POLQ: variants seen among roughly 807,000 people sequenced by gnomAD.
POLQ encodes the protein DNA polymerase theta, also known as epididymis secretory sperm binding protein.
Under a neutral mutation model 259.2 loss-of-function variants are expected in POLQ, and 233 were observed. The observed-to-expected ratio is 0.90, with a 90% CI of 0.81 to 1.00. The LOEUF (loss-of-function observed/expected upper bound fraction) is 1.00. POLQ is among the 50% of genes least tolerant of loss of function. POLQ has a pLI of 0.00. For synonymous variants in POLQ, 1,025 were observed against 1,048.8 expected (o/e 0.98, Z 0.44); for missense variants, 2,871 against 3,051.6 (o/e 0.94, Z 1.39).
Position 121,496,912 on chromosome 3 carries a change from A to T in POLQ, c.2174T>A (p.Leu725Gln), listed in dbSNP as rs1442525117. ...IHKRFFTSLV[L>Q]LDLISEVPLR... ...GGGAACTTCACTGATTAAATCTAAT[A>T]GCACAAGACTGGTGAAAAACCTGGG... Residue 725 changes from leucine (L) to glutamine (Q), a missense_variant, in exon 14 of 30, where the codon CTA becomes CAA. Coordinates refer to ENST00000264233, the MANE Select transcript of POLQ (RefSeq NM_199420.4). 2 of 1,611,954 alleles carry T rather than the reference A, an allele frequency of 1.2e-6. No individual in the cohort carries two copies. The highest frequency in any genetic ancestry group is 1.7e-6 in the Non-Finnish European group (2 of 1,179,638).
At chr3:121,510,654 C>T (rs1576421723) in intron 10 of POLQ, among the ~76,000 whole-genome samples, 2 of 152,298 alleles carry the variant, frequency 1.3e-5, no homozygotes, top group South Asian at 2.1e-4. Flanking sequence ...ATTTCATTCT[C>T]ATTTTTTTAA....
intron 7 of POLQ, among the ~76,000 whole-genome samples, chr3:121,527,758 C>T (rs1449738429): frequency 6.6e-6 from 1 of 152,202 alleles, no homozygotes; most frequent in Non-Finnish European, 1.5e-5. Context: ...ACACTTCCAG[C>T]ATCACTAGTG....
At position 121,471,992 on chromosome 3, in the gene POLQ, G is replaced by T. The variant is rs754126400; in HGVS notation, c.6716C>A (p.Thr2239Lys). 1.4e-6 allele frequency: 2 copies of T among 1,468,542 alleles called. No homozygotes were observed. The highest frequency in any genetic ancestry group is 1.8e-6 in the Non-Finnish European group (2 of 1,086,036). 91.0% of individuals were successfully genotyped at this position (1,468,542 alleles called of 1,614,324 possible). The stretch of plus-strand genomic sequence containing the variant: ...TTATACTTAAGATTTCTCATCACCT[G>T]TAGCAGTGTGCGACTGTGATACAGG... ...IYPVSQSHTA[T>K]GRITFTEPNI... Residue 2239 changes from threonine (T) to lysine (K), a missense_variant and splice_region_variant, in exon 22 of 30, where the codon ACA (threonine) becomes AAA (lysine). Around this residue, in one of 3 missense-constraint regions of POLQ, gnomAD observed 2,080 missense variants for 2,126.0 expected, o/e 0.98. Coordinates refer to ENST00000264233, the MANE Select transcript of POLQ (RefSeq NM_199420.4).
At chr3:121,522,651 G>A (rs930823367) in intron 7 of POLQ, among the ~76,000 whole-genome samples, 2 of 152,052 alleles carry the variant, frequency 1.3e-5, no homozygotes, top group South Asian at 2.1e-4. Flanking sequence ...TCTTAATCCT[G>A]GACATTGTTA....
chr3:121,464,706 T>C (rs1004748575), intron 24 of POLQ, among the ~76,000 whole-genome samples: 3 of 152,166 alleles, frequency 2.0e-5, no homozygotes, highest in Non-Finnish European at 4.4e-5. Context: ...TATAACTTTG[T>C]TTCATGAACA....
intron 8 of POLQ, 114 bp downstream of exon 8, chr3:121,521,887 AAG>A (rs2048338780): frequency 5.3e-6 from 4 of 758,352 alleles, no homozygotes; most frequent in Non-Finnish European, 5.9e-6. Flanking sequence ...ATTTCTTAAA[AAG>A]AAATCTAAGG....
Position 121,483,519 on chromosome 3 carries a change from C to T in POLQ, c.5837G>A (p.Trp1946Ter). The part of the protein sequence containing the change: ...DPSLTLKDRM[W>*]YLQSCLRKES... ...CTTTCGCAAGCAAGATTGAAGGTAC[C>T]ACATCCTGTCTTTCAAAGTCAGGCT... Residue 1946 changes from tryptophan (W) to a stop codon, truncating the protein, a stop_gained, in exon 18 of 30, where the codon TGG (tryptophan) becomes TAG (stop). Coordinates refer to ENST00000264233, the MANE Select transcript of POLQ (RefSeq NM_199420.4). LOFTEE classifies it high-confidence loss of function. 3 of 1,600,772 alleles carry T rather than the reference C, an allele frequency of 1.9e-6. No individual in the cohort carries two copies. Among genetic ancestry groups the T allele is most frequent in the Non-Finnish European group, 2.6e-6 (3 of 1,175,394 alleles).
chr3:121,470,009 T>C (rs2108788971), intron 22 of POLQ, among the ~76,000 whole-genome samples: 1 of 152,270 alleles, frequency 6.6e-6, no homozygotes, highest in South Asian at 2.1e-4. Context: ...GCAACACCAT[T>C]GAAAATTCTA....
In POLQ at chr3:121,544,854, T is replaced by G. The variant is rs971541308; in HGVS notation, c.216A>C (p.Ala72=). Residue 72 remains alanine (A), a synonymous_variant, in exon 2 of 30, where the codon GCA becomes GCC. Transcript: ENST00000264233. ...PDYERDKLLL[A]NWGLPKAVLE... is the part of the protein sequence containing the mutation. ...GAACTGCTTTAGGAAGTCCCCAGTT[T>G]GCCAATAGTAGCTTGTCTCTTTCGT... 9 of 1,611,960 alleles carry G rather than the reference T, an allele frequency of 5.6e-6. No individual in the cohort carries two copies. The highest frequency in any genetic ancestry group is 7.6e-6 in the Non-Finnish European group (9 of 1,178,122).
At chr3:121,445,793 G>T (rs2108776370) in intron 26 of POLQ, among the ~76,000 whole-genome samples, 1 of 151,818 alleles carries the variant, frequency 6.6e-6, no homozygotes, top group South Asian at 2.1e-4. Flanking sequence ...AACCCAGGAG[G>T]CAGATGTTGC....
At position 121,482,290 on chromosome 3, in the gene POLQ, G is replaced by A. The variant is rs536866312; in HGVS notation, c.5971-478C>T. Among the ~76,000 whole-genome samples, 11 of 152,240 alleles carry A rather than the reference G, an allele frequency of 7.2e-5. No individual in the cohort carries two copies. In the South Asian group the frequency reaches 1.7e-3, roughly 23 times the overall value. On this transcript the variant is annotated intron_variant, in intron 18 of 29. Coordinates refer to ENST00000264233, the MANE Select transcript of POLQ (RefSeq NM_199420.4). Reference sequence around the variant, plus strand: ...TCCCAGCACTTTGGGAGACTGAGGCGGGTTGATCACCTGAGGTCAGAAGTT... The same window carrying A: ...TCCCAGCACTTTGGGAGACTGAGGCAGGTTGATCACCTGAGGTCAGAAGTT...
chr3:121,513,002 A>T (rs1362015311), intron 9 of POLQ, among the ~76,000 whole-genome samples: 1 of 152,256 alleles, frequency 6.6e-6, no homozygotes, highest in African/African-American at 2.4e-5. Context: ...ATACAATTTG[A>T]ACAAATACAA....
At position 121,544,721 on chromosome 3, in the gene POLQ, G is replaced by C; in HGVS notation, c.343+6C>G. On this transcript the variant is annotated splice_donor_region_variant and intron_variant, in intron 2 of 29. Transcript: ENST00000264233. ...AATAGTAATTAGTTTACATAAATTT[G>C]GATACCTGAATAAACTAAATTCTTT... 1 of 1,562,210 alleles carries C rather than the reference G, an allele frequency of 6.4e-7. No homozygotes were observed. Among genetic ancestry groups the C allele is most frequent in the Non-Finnish European group, 8.8e-7 (1 of 1,134,728 alleles).
chr3:121,444,189 A>G (rs2047615470), intron 26 of POLQ, among the ~76,000 whole-genome samples: 1 of 152,084 alleles, frequency 6.6e-6, no homozygotes, highest in African/African-American at 2.4e-5. Context: ...CTTGGGGAGT[A>G]TGAACATTTT....
intron 27 of POLQ, among the ~76,000 whole-genome samples, chr3:121,438,629 T>C (rs2047563755): frequency 6.6e-6 from 1 of 152,214 alleles, no homozygotes; most frequent in Non-Finnish European, 1.5e-5. Context: ...TTTTTCTCAT[T>C]CCCAACAGCC....
intron 25 of POLQ, among the ~76,000 whole-genome samples, chr3:121,456,343 C>T (rs1289330740): frequency 1.6e-4 from 25 of 151,898 alleles, no homozygotes; most frequent in Non-Finnish European, 2.6e-4. Context: ...TGCCCTCTCT[C>T]ACCACTCCTA....
At position 121,449,505 on chromosome 3, in the gene POLQ, C is replaced by T. The variant is rs114573909; in HGVS notation, c.7153-79G>A. On this transcript the variant is annotated intron_variant, in intron 25 of 29. Transcript: ENST00000264233. ...AAAGGGTTCATTAGGATGCGAATTT[C>T]GGCAAACTTTTTATTTCACAGTGAG... 3,480 of 786,776 alleles carry T rather than the reference C, an allele frequency of 4.4e-3. 16 individuals are homozygous for T. The highest frequency in any genetic ancestry group is 5.9e-3 in the Non-Finnish European group (2,637 of 448,066). The allele number at this position is 786,776 out of a possible 1,614,324, so 48.7% of individuals were successfully genotyped here. A position where few individuals can be genotyped will look rare whatever the true frequency, so the allele number is the denominator to read the frequency against.
chr3:121,522,413 G>A (rs374020007), intron 7 of POLQ, among the ~76,000 whole-genome samples: 7 of 142,564 alleles, frequency 4.9e-5, no homozygotes, highest in African/African-American at 1.8e-4. Context: ...CCGGGTTCAC[G>A]CCATTCTCCT....
rs142915390 is a variant in POLQ at position 121,520,022 on chromosome 3, G to A, written c.1317C>T (p.Val439=). Residue 439 remains valine (V), a synonymous_variant, in exon 9 of 30, where the codon GTC becomes GTT. Transcript: ENST00000264233. ...EGAFRQGLIR[V]LAATSTLSSG... is the part of the protein sequence containing the mutation. ...AAGAAAGAGTAGAAGTTGCCGCCAA[G>A]ACCCGAATGAGACCTTGACGAAAGG... 50 of 1,613,442 alleles carry A rather than the reference G, an allele frequency of 3.1e-5. No individual in the cohort carries two copies. The highest frequency in any genetic ancestry group is 4.2e-5 in the Non-Finnish European group (50 of 1,179,584).
Sources: allele counts gnomAD v4.1 joint callset (sites outside exome capture counted in the v4.1 genomes callset), GRCh38; gene constraint gnomAD v4.1.1; regional missense constraint gnomAD v4.1.1; transcripts MANE v1.5; gene names NCBI Gene and HGNC (gene_info 2026-07-23, HGNC 2026-07-21).